LEKR1: variants seen among roughly 807,000 people sequenced by gnomAD.
LEKR1 encodes protein LEKR1.
In LEKR1, 59 loss-of-function variants were observed where a neutral mutation model predicts 72.4. That is an observed-to-expected ratio of 0.82 (90% confidence interval 0.66 to 1.01). The LOEUF (loss-of-function observed/expected upper bound fraction) is 1.01. Ranked by LOEUF, LEKR1 falls within the 50% of genes least tolerant of loss-of-function variation. The pLI is 0.00. For missense variants in LEKR1, 728 were observed against 759.2 expected, an observed-to-expected ratio of 0.96 and a Z score of 0.48; for synonymous variants, 257 against 263.2, an observed-to-expected ratio of 0.98 and a Z score of 0.23.
At position 156,993,229 on chromosome 3, in the gene LEKR1, C is replaced by T; in HGVS notation, c.1061C>T (p.Thr354Ile). 6.2e-7 allele frequency: 1 copy of T among 1,611,746 alleles called. No homozygotes were observed. The highest frequency in any genetic ancestry group is 8.5e-7 in the Non-Finnish European group (1 of 1,178,948). ...GAAAATGAACTGGAGATAACCAAAA[C>T]TCTTCTGAATCAGACAAGGGAAGAG... Reference protein sequence around the residue: ...LAENELEITKTLLNQTREEVL... With the variant: ...LAENELEITKILLNQTREEVL... Residue 354 changes from threonine to isoleucine, a missense_variant, in exon 9 of 13, where the codon ACT (threonine) becomes ATT (isoleucine). Physicochemically the swap from Thr to Ile is moderately conservative, Grantham distance 89. Transcript: ENST00000356539.
chr3:156,947,311 C>T (rs1208053679), intron 6 of LEKR1, among the ~76,000 whole-genome samples: 1 of 150,896 alleles, frequency 6.6e-6, no homozygotes, highest in Non-Finnish European at 1.5e-5. Flanking sequence ...ATATAGTGGT[C>T]CAGATTTACT....
intron 9 of LEKR1, among the ~76,000 whole-genome samples, chr3:157,003,566 C>T (rs956917237): frequency 6.6e-6 from 1 of 152,168 alleles, no homozygotes; most frequent in African/African-American, 2.4e-5. Context: ...TCCTTAGCTC[C>T]TGGCCACATG....
intron 3 of LEKR1, among the ~76,000 whole-genome samples, chr3:156,869,053 T>G (rs1207397518): frequency 6.6e-6 from 1 of 152,152 alleles, no homozygotes; most frequent in Non-Finnish European, 1.5e-5. Flanking sequence ...CTGAATAGTA[T>G]TTCATTGTGT....
At chr3:157,018,344 T>C (rs1733543087) in intron 10 of LEKR1, among the ~76,000 whole-genome samples, 1 of 152,210 alleles carries the variant, frequency 6.6e-6, no homozygotes, top group Admixed American at 6.5e-5. Flanking sequence ...ATTATATTTA[T>C]AGAATTCTCA....
intron 6 of LEKR1, among the ~76,000 whole-genome samples, chr3:156,950,598 G>GTGTGTGTGTGTA: frequency 1.3e-5 from 2 of 151,444 alleles, no homozygotes; most frequent in African/African-American, 4.8e-5. Flanking sequence ...GGAATTTTGT[G>GTGTGTGTGTGTA]TGTGTGTGTG....
At chr3:156,853,025 A>AT in intron 3 of LEKR1, 43 bp downstream of exon 3, 1 of 1,281,634 alleles carries the variant, frequency 7.8e-7, no homozygotes, top group South Asian at 1.3e-5. Flanking sequence ...TAGTTGAAAG[A>AT]CAGCTACAGG....
intron 9 of LEKR1, 97 bp from the exon 10 acceptor site, chr3:157,011,316 C>T (rs930635107): frequency 1.3e-5 from 10 of 780,562 alleles, no homozygotes; most frequent in Non-Finnish European, 2.0e-5. Flanking sequence ...AATAAACAGA[C>T]TAAGTTTTGA....
At chr3:156,827,058 G>T (rs1011084589) in intron 1 of LEKR1, 3 of 153,130 alleles carry the variant, frequency 2.0e-5, no homozygotes, top group Non-Finnish European at 4.4e-5. Flanking sequence ...GTCCACATAC[G>T]TGCAATGAGA....
chr3:156,964,101 T>C (rs1728355041), intron 6 of LEKR1, among the ~76,000 whole-genome samples: 1 of 152,210 alleles, frequency 6.6e-6, no homozygotes, highest in Non-Finnish European at 1.5e-5. Flanking sequence ...TTTAATATGA[T>C]GGTTTTTTGT....
intron 6 of LEKR1, among the ~76,000 whole-genome samples, chr3:156,968,767 C>T (rs1435884677): frequency 1.3e-5 from 2 of 152,092 alleles, no homozygotes; most frequent in Non-Finnish European, 2.9e-5. Flanking sequence ...CTTCACCAAG[C>T]AGACCTAATA....
intron 6 of LEKR1, among the ~76,000 whole-genome samples, chr3:156,943,494 C>T (rs981720400): frequency 3.3e-5 from 5 of 151,868 alleles, no homozygotes; most frequent in Non-Finnish European, 7.4e-5. Context: ...GAGGAGAGAA[C>T]CAAGGCCCAC....
intron 6 of LEKR1, among the ~76,000 whole-genome samples, chr3:156,965,779 GA>G: frequency 6.6e-6 from 1 of 152,238 alleles, no homozygotes. Flanking sequence ...CTTGAGCTTT[GA>G]AAAATGTTTG....
intron 3 of LEKR1, among the ~76,000 whole-genome samples, chr3:156,913,884 A>T (rs1560075812): frequency 6.6e-6 from 1 of 152,096 alleles, no homozygotes; most frequent in African/African-American, 2.4e-5. Flanking sequence ...TTTGTTTTTA[A>T]TTTTTTTAGG....
intron 3 of LEKR1, among the ~76,000 whole-genome samples, chr3:156,893,959 A>G (rs999083337): frequency 6.6e-6 from 1 of 152,194 alleles, no homozygotes; most frequent in African/African-American, 2.4e-5. Flanking sequence ...GAGTCTCCCA[A>G]TTCTAAAGCA....
intron 1 of LEKR1, among the ~76,000 whole-genome samples, chr3:156,827,374 C>G (rs1054087514): frequency 6.6e-6 from 1 of 152,110 alleles, no homozygotes; most frequent in Non-Finnish European, 1.5e-5. Context: ...ACACCTGTTT[C>G]GTTATGGAGC....
chr3:157,033,617 A>G (rs1291842791), intron 12 of LEKR1, among the ~76,000 whole-genome samples: 1 of 152,230 alleles, frequency 6.6e-6, no homozygotes, highest in Admixed American at 6.5e-5. Flanking sequence ...AGCCATTTCC[A>G]GAACATAAAG....
chr3:156,882,257 C>T (rs994164645), intron 3 of LEKR1, among the ~76,000 whole-genome samples: 22 of 152,062 alleles, frequency 1.4e-4, no homozygotes, highest in Admixed American at 3.3e-4. Context: ...ACTCATCTGA[C>T]GAAGGGCTAA....
At chr3:157,021,876 ATAAT>A (rs1301828927) in intron 10 of LEKR1, among the ~76,000 whole-genome samples, 8 of 151,072 alleles carry the variant, frequency 5.3e-5, no homozygotes, top group African/African-American at 1.5e-4. Flanking sequence ...TTAATTATTA[ATAAT>A]TAATTAATAA....
chr3:156,829,445 A>G, intron 2 of LEKR1, 68 bp downstream of exon 2: 2 of 1,107,604 alleles, frequency 1.8e-6, no homozygotes, highest in East Asian at 2.7e-5. Flanking sequence ...TCTAAAACCT[A>G]GAGGAGTGAA....
Sources: allele counts gnomAD v4.1 joint callset (sites outside exome capture counted in the v4.1 genomes callset), GRCh38; gene constraint gnomAD v4.1.1; transcripts MANE v1.5; gene names NCBI Gene and HGNC (gene_info 2026-07-23, HGNC 2026-07-21).